Variants in EAF1 observed in about 807,000 individuals in gnomAD.
EAF1 encodes the protein ELL associated factor 1.
EAF1 carries 19 observed loss-of-function variants against 26.6 expected under a neutral mutation model. That is an observed-to-expected ratio of 0.71 (90% confidence interval 0.50 to 1.05). The LOEUF (loss-of-function observed/expected upper bound fraction) is 1.05, where lower values mean the gene tolerates loss of function less well. EAF1 is among the 50% of genes least tolerant of loss of function. The pLI is 0.00. For missense variants in EAF1, 260 were observed against 335.5 expected (o/e 0.78, Z 1.76); for synonymous variants, 102 against 120.6 (o/e 0.85, Z 1.01).
rs2061868339 is a variant in EAF1, at chr3:15,441,333, C to G, written c.*2178C>G. On this transcript the variant is annotated 3_prime_UTR_variant, in exon 6 of 6. Transcript: ENST00000396842. ...ATGGCTTCTCACAGATGCCCTCCTG[C>G]CAGCCAAACCGGACTTGTTCTTCCT... 6.5e-6 allele frequency: 1 copy of G among 153,650 alleles called. No individual in the cohort carries two copies. The highest frequency in any genetic ancestry group is 1.5e-5 in the Non-Finnish European group (1 of 68,042). The allele number at this position is 153,650 out of a possible 1,614,324, so 9.5% of individuals were successfully genotyped here.
rs1180140011 is a variant in EAF1 at position 15,441,488 on chromosome 3, CCTTT to C, written c.*2334_*2337del. 1 of 126,974 alleles carries C rather than the reference CCTTT, an allele frequency of 7.9e-6. No homozygotes were observed. Among genetic ancestry groups the C allele is most frequent in the South Asian group, 2.6e-4 (1 of 3,826 alleles). The allele number at this position is 126,974 out of a possible 1,614,324, so 7.9% of individuals were successfully genotyped here. On this transcript the variant is annotated 3_prime_UTR_variant, in exon 6 of 6. Transcript: ENST00000396842. ...GGAGTGCCCTGTGTGTACATACTGA[CCTTT>C]TTTTTTTTTTTTTTTTTTTGCTTGA...
Position 15,442,124 on chromosome 3 carries a change from A to C in EAF1, c.*2969A>C, listed in dbSNP as rs578023644. 6 of 152,300 alleles carry C rather than the reference A, an allele frequency of 3.9e-5. No individual in the cohort carries two copies. Among genetic ancestry groups the C allele is most frequent in the Non-Finnish European group, 7.4e-5 (5 of 67,982 alleles). The allele number at this position is 152,300 out of a possible 1,614,324, so 9.4% of individuals were successfully genotyped here. A position where few individuals can be genotyped will look rare whatever the true frequency, so the allele number is the denominator to read the frequency against. On this transcript the variant is annotated 3_prime_UTR_variant, in exon 6 of 6. Transcript: ENST00000396842. Reference sequence around the variant, plus strand: ...AATCATTTTTTCTATGTAAGGTGTTAATGTGTGTGTATGTGCTTTGGTTGT... The same window carrying C: ...AATCATTTTTTCTATGTAAGGTGTTCATGTGTGTGTATGTGCTTTGGTTGT...
chr3:15,430,633 C>T (rs959402073), intron 2 of EAF1, among the ~76,000 whole-genome samples: 3 of 152,112 alleles, frequency 2.0e-5, no homozygotes, highest in African/African-American at 7.2e-5. Context: ...TATATGGCCA[C>T]AACAGCTCAG....
rs962149982 is a variant in EAF1 at position 15,434,482 on chromosome 3, C to T, written c.470C>T (p.Thr157Ile). 1 of 1,614,102 alleles carries T rather than the reference C, an allele frequency of 6.2e-7. No individual in the cohort carries two copies. The highest frequency in any genetic ancestry group is 1.3e-5 in the African/African-American group (1 of 74,930). Residue 157 changes from threonine (T) to isoleucine (I), a missense_variant, in exon 4 of 6, where the codon ACT (threonine) becomes ATT (isoleucine). Transcript: ENST00000396842. Reference protein sequence around the residue: ...APTKPPVGPKTSPLKDNPSPE... With the variant: ...APTKPPVGPKISPLKDNPSPE... ...ACGAAGCCTCCAGTTGGACCCAAAA[C>T]TTCTCCCTTGAAAGATAACCCCTCA...
rs1293180956 is a variant in EAF1, at chr3:15,441,661, AC to A, written c.*2509del. On this transcript the variant is annotated 3_prime_UTR_variant, in exon 6 of 6. Coordinates refer to ENST00000396842, the MANE Select transcript of EAF1 (RefSeq NM_033083.7). ...AGACCAGCCTGGGCAACATGGCGAG[AC>A]CCTGTTTCTACAAAAAGAAAAAGGG... 2.0e-5 allele frequency: 3 copies of A among 151,504 alleles called. No homozygotes were observed. Among genetic ancestry groups the A allele is most frequent in the African/African-American group, 4.9e-5 (2 of 40,958 alleles). The allele number at this position is 151,504 out of a possible 1,614,324, so 9.4% of individuals were successfully genotyped here.
At chr3:15,435,805 C>T (rs1462260237) in intron 4 of EAF1, among the ~76,000 whole-genome samples, 1 of 152,120 alleles carries the variant, frequency 6.6e-6, no homozygotes, top group African/African-American at 2.4e-5. Flanking sequence ...ATTTATGGGA[C>T]ATGAGAGCTG....
chr3:15,428,009 C>G, intron 1 of EAF1, 127 bp downstream of exon 1: 2 of 737,984 alleles, frequency 2.7e-6, no homozygotes, highest in Admixed American at 3.0e-5. Flanking sequence ...GTTACTTTCT[C>G]TCGAACCCCA....
At chr3:15,433,128 A>C (rs1253347729) in intron 3 of EAF1, 1 of 151,930 alleles carries the variant, frequency 6.6e-6, no homozygotes, top group African/African-American at 2.4e-5. Context: ...GGAATTGTTC[A>C]TGAGTTTGTG....
At position 15,432,741 on chromosome 3, in the gene EAF1, C is replaced by A. The variant is rs1279873790; in HGVS notation, c.335+518C>A. On this transcript the variant is annotated intron_variant, in intron 3 of 5. Coordinates refer to ENST00000396842, the MANE Select transcript of EAF1 (RefSeq NM_033083.7). The stretch of plus-strand genomic sequence containing the variant: ...GTTTATTTGAAAATAAAAATTCATT[C>A]TATAAATAGAAATAACCTAGTGGTT... Among the ~76,000 whole-genome samples, 5 of 151,616 alleles carry A rather than the reference C, an allele frequency of 3.3e-5. 1 individual carries two copies. In the South Asian group the frequency reaches 8.3e-4, roughly 25 times the overall value.
At chr3:15,428,321 C>A (rs1415334437) in intron 1 of EAF1, among the ~76,000 whole-genome samples, 1 of 152,086 alleles carries the variant, frequency 6.6e-6, no homozygotes, top group Non-Finnish European at 1.5e-5. Context: ...TTATGAGCCT[C>A]ATCCACTGCC....
At chr3:15,436,902 G>A (rs989627106) in intron 5 of EAF1, among the ~76,000 whole-genome samples, 7 of 152,154 alleles carry the variant, frequency 4.6e-5, no homozygotes, top group Non-Finnish European at 1.0e-4. Context: ...CTGCCCATTG[G>A]TCTTTTTTCT....
At chr3:15,433,930 A>G (rs1026817271) in intron 3 of EAF1, among the ~76,000 whole-genome samples, 1 of 152,210 alleles carries the variant, frequency 6.6e-6, no homozygotes, top group Non-Finnish European at 1.5e-5. Flanking sequence ...AAAAAATTAT[A>G]TGCTATATTG....
At position 15,432,113 on chromosome 3, in the gene EAF1, C is replaced by CA. The variant is rs1339771841; in HGVS notation, c.227dup (p.Asn78GlufsTer14). Reference sequence around the variant, plus strand: ...GATCCACACCACCCATGACTGTGTTCAAGGGGAACAAACGGCCTTACCAGA... The same window carrying CA: ...GATCCACACCACCCATGACTGTGTTCAAAGGGGAACAAACGGCCTTACCAGA... On this transcript the variant is annotated frameshift_variant, in exon 3 of 6. Coordinates refer to ENST00000396842, the MANE Select transcript of EAF1 (RefSeq NM_033083.7). LOFTEE classifies it high-confidence loss of function. The CA allele has an allele frequency of 6.2e-7, 1 of 1,614,030 alleles. No homozygotes were observed. Among genetic ancestry groups the CA allele is most frequent in the South Asian group, 1.1e-5 (1 of 91,084 alleles).
chr3:15,433,896 G>T (rs940674032), intron 3 of EAF1, among the ~76,000 whole-genome samples: 1 of 152,202 alleles, frequency 6.6e-6, no homozygotes, highest in Non-Finnish European at 1.5e-5. Flanking sequence ...AATTATGGTG[G>T]TGGGACATTT....
chr3:15,429,793 C>G (rs1016508958), intron 1 of EAF1, 120 bp from the exon 2 acceptor site: 1 of 703,210 alleles, frequency 1.4e-6, no homozygotes, highest in East Asian at 2.8e-5. Flanking sequence ...TTTAAGAATT[C>G]TAAATTATTT....
chr3:15,436,923 T>C (rs1423259656), intron 5 of EAF1, among the ~76,000 whole-genome samples: 1 of 152,052 alleles, frequency 6.6e-6, no homozygotes, highest in African/African-American at 2.4e-5. Context: ...GGAGACAGAG[T>C]CTCACTCTGT....
At chr3:15,438,897 C>G in intron 5 of EAF1, 1 of 511,328 alleles carries the variant, frequency 2.0e-6, no homozygotes. Context: ...TTTGCTCTAC[C>G]CTAATATGCA....
At chr3:15,430,942 G>C (rs781626785) in intron 2 of EAF1, among the ~76,000 whole-genome samples, 3 of 152,126 alleles carry the variant, frequency 2.0e-5, no homozygotes, top group Admixed American at 6.5e-5. Flanking sequence ...TTTGTGGTGA[G>C]GAAAAATTGC....
intron 5 of EAF1, 82 bp downstream of exon 5, chr3:15,436,657 A>G: frequency 8.2e-7 from 1 of 1,226,908 alleles, no homozygotes; most frequent in Non-Finnish European, 1.1e-6. Context: ...TTACAAACCT[A>G]AAGATGTTTA....
Sources: allele counts gnomAD v4.1 joint callset (sites outside exome capture counted in the v4.1 genomes callset), GRCh38; gene constraint gnomAD v4.1.1; transcripts MANE v1.5; gene names NCBI Gene and HGNC (gene_info 2026-07-23, HGNC 2026-07-21).